POLB: variants seen among roughly 807,000 people sequenced by gnomAD.
POLB encodes the protein 5'-dRP lyase.
Under a neutral mutation model 52.7 loss-of-function variants are expected in POLB, and 37 were observed. The ratio of observed to expected loss-of-function variants is 0.70; its 90% CI spans 0.54 to 0.92. The LOEUF is 0.92. Ranked by LOEUF, POLB falls within the 40% of genes least tolerant of loss-of-function variation. The pLI, the probability that POLB is intolerant of heterozygous loss-of-function variation, is 0.00. For missense variants in POLB, 313 were observed against 400.8 expected, an observed-to-expected ratio of 0.78 and a Z score of 1.87; for synonymous variants, 138 against 131.3, an observed-to-expected ratio of 1.05 and a Z score of -0.35.
In POLB at chr8:42,338,577, T is replaced by G. The variant is rs779243575; in HGVS notation, c.-48T>G. ...TACCTCCTTCAAGCTGGGAGAGGGC[T>G]CTAGTCCCTGGTTCTGAACACTCTG... On this transcript the variant is annotated 5_prime_UTR_variant, in exon 1 of 14. Transcript: ENST00000265421. 7 of 1,551,070 alleles carry G rather than the reference T, an allele frequency of 4.5e-6. No homozygotes were observed. Among genetic ancestry groups the G allele is most frequent in the Middle Eastern group, 1.7e-4 (1 of 5,956 alleles).
intron 5 of POLB, among the ~76,000 whole-genome samples, chr8:42,350,464 A>C (rs1235400713): frequency 1.3e-5 from 2 of 152,078 alleles, no homozygotes; most frequent in African/African-American, 4.8e-5. Context: ...TTATTTTTTG[A>C]GACAGGGTTG....
chr8:42,343,345 A>AATATATATATATATAT (rs1554531634), intron 2 of POLB, among the ~76,000 whole-genome samples: 1 of 33,066 alleles, frequency 3.0e-5, no homozygotes, highest in African/African-American at 5.9e-5. Flanking sequence ...AAAAAAAAAA[A>AATATATATATATATAT]ATATATATAT....
rs1822037620 is a variant in POLB, at chr8:42,339,149, C to A, written c.119+80C>A. On this transcript the variant is annotated intron_variant, in intron 2 of 13. Coordinates refer to ENST00000265421, the MANE Select transcript of POLB (RefSeq NM_002690.3). ...GTGGCAATTAACAGGACTGAGGGCC[C>A]AGTGGATATTTGGTCCATCTGCAAG... The A allele has an allele frequency of 8.4e-6, 9 of 1,075,378 alleles. No homozygotes were observed. In the South Asian group the frequency reaches 1.1e-4, roughly 14 times the overall value. 66.6% of individuals were successfully genotyped at this position (1,075,378 alleles called of 1,614,324 possible). A position where few individuals can be genotyped will look rare whatever the true frequency, so the allele number is the denominator to read the frequency against.
chr8:42,371,053 G>T (rs1382627938), intron 13 of POLB, among the ~76,000 whole-genome samples: 1 of 152,168 alleles, frequency 6.6e-6, no homozygotes, highest in East Asian at 1.9e-4. Context: ...GGATCCCCAG[G>T]TTCCCTTTGT....
At chr8:42,359,937 G>A (rs1585904233) in intron 9 of POLB, among the ~76,000 whole-genome samples, 1 of 151,474 alleles carries the variant, frequency 6.6e-6, no homozygotes, top group Admixed American at 6.6e-5. Flanking sequence ...TACACATTCA[G>A]TCTAGTCTTC....
chr8:42,356,476 T>G (rs1324744310), intron 7 of POLB, among the ~76,000 whole-genome samples: 1 of 152,256 alleles, frequency 6.6e-6, no homozygotes, highest in African/African-American at 2.4e-5. Context: ...AATATACAAT[T>G]CAGTGACTTT....
chr8:42,367,825 A>C (rs1222141947), intron 11 of POLB, among the ~76,000 whole-genome samples: 1 of 152,172 alleles, frequency 6.6e-6, no homozygotes, highest in Non-Finnish European at 1.5e-5. Flanking sequence ...CTCTGCATTC[A>C]ACTATTGGTT....
At chr8:42,369,421 A>T (rs1308689938) in intron 12 of POLB, 86 bp downstream of exon 12, 4 of 770,674 alleles carry the variant, frequency 5.2e-6, no homozygotes, top group Non-Finnish European at 8.9e-6. Context: ...TGGAGTTCAC[A>T]TTCATATCTA....
intron 6 of POLB, among the ~76,000 whole-genome samples, chr8:42,353,174 CTTTT>C (rs1268234381): frequency 7.2e-6 from 1 of 138,380 alleles, no homozygotes. Context: ...GCCTTTATTT[CTTTT>C]TTTTTTTTTT....
At chr8:42,340,127 C>G (rs1822108450) in intron 2 of POLB, 1 of 152,218 alleles carries the variant, frequency 6.6e-6, no homozygotes, top group African/African-American at 2.4e-5. Context: ...GGCATTCACC[C>G]CTGGCTCATG....
At chr8:42,342,275 C>T (rs3136726) in intron 2 of POLB, 9 of 1,539,674 alleles carry the variant, frequency 5.8e-6, no homozygotes, top group Admixed American at 5.0e-5. Context: ...TCCACTTGGC[C>T]TTCATAGATC....
intron 10 of POLB, 34 bp downstream of exon 10, chr8:42,361,399 C>G: frequency 7.5e-7 from 1 of 1,338,662 alleles, no homozygotes; most frequent in Middle Eastern, 1.8e-4. Flanking sequence ...GGTGATCAGT[C>G]TTACACAACA....
intron 13 of POLB, 142 bp from the exon 14 acceptor site, chr8:42,371,421 C>T (rs910499721): frequency 7.6e-5 from 33 of 434,136 alleles, no homozygotes; most frequent in East Asian, 1.2e-4. Flanking sequence ...CCACATCCGC[C>T]GGTCTTTTTT....
At chr8:42,369,793 T>C in intron 12 of POLB, 56 bp from the exon 13 acceptor site, 2 of 1,240,934 alleles carry the variant, frequency 1.6e-6, no homozygotes, top group South Asian at 2.9e-5. Context: ...GAGTCCTATA[T>C]TTGCTAAACT....
chr8:42,363,078 G>A (rs540027960), intron 11 of POLB, among the ~76,000 whole-genome samples: 109 of 151,302 alleles, frequency 7.2e-4, no homozygotes, highest in Middle Eastern at 6.8e-3. Context: ...AGCATAGATC[G>A]TGCCACTGCA....
chr8:42,345,432 C>G (rs752990136), intron 3 of POLB, among the ~76,000 whole-genome samples: 8 of 152,148 alleles, frequency 5.3e-5, no homozygotes, highest in Non-Finnish European at 1.0e-4. Context: ...AGAGATCTTA[C>G]TAATAAGCAC....
At chr8:42,370,709 G>C (rs1490879496) in intron 13 of POLB, among the ~76,000 whole-genome samples, 2 of 152,086 alleles carry the variant, frequency 1.3e-5, no homozygotes, top group East Asian at 1.9e-4. Context: ...CAATCTTTTA[G>C]CTTCCCTGGG....
At chr8:42,360,759 A>G (rs1165800654) in intron 9 of POLB, among the ~76,000 whole-genome samples, 1 of 152,024 alleles carries the variant, frequency 6.6e-6, no homozygotes, top group African/African-American at 2.4e-5. Context: ...TAAAAAAAAA[A>G]AAAAGAGAGT....
intron 11 of POLB, among the ~76,000 whole-genome samples, chr8:42,363,563 G>A (rs961699316): frequency 8.0e-5 from 12 of 149,378 alleles, no homozygotes; most frequent in African/African-American, 3.0e-4. Context: ...AAAAGAATGG[G>A]TTAATTAGGC....
Sources: gnomAD v4.1 joint callset for allele counts (sites outside exome capture counted in the v4.1 genomes callset) on GRCh38, gnomAD v4.1.1 for gene constraint, MANE v1.5 for transcripts, NCBI Gene and HGNC (gene_info 2026-07-23, HGNC 2026-07-21) for gene names.